GOLM2: variants seen among roughly 807,000 people sequenced by gnomAD.
GOLM2 encodes the protein golgi membrane protein 2, also known as protein GOLM2.
Under a neutral mutation model 55.9 loss-of-function variants are expected in GOLM2, and 26 were observed. The ratio of observed to expected loss-of-function variants is 0.47; its 90% CI spans 0.34 to 0.65. The LOEUF is 0.65. Among genes scored for constraint, GOLM2 ranks in the 30% least tolerant of loss-of-function variants. The pLI, the probability that GOLM2 is intolerant of heterozygous loss-of-function variation, is 0.01. For missense variants in GOLM2, 486 were observed against 531.8 expected (o/e 0.91, Z 0.85); for synonymous variants, 165 against 194.6 (o/e 0.85, Z 1.27).
intron 3 of GOLM2, among the ~76,000 whole-genome samples, chr15:44,329,716 T>C (rs915516508): frequency 1.3e-5 from 2 of 151,734 alleles, no homozygotes; most frequent in African/African-American, 2.4e-5. Context: ...CTAGGCAACA[T>C]AGTGAGACCT....
At chr15:44,330,565 A>G (rs2079016594) in intron 3 of GOLM2, among the ~76,000 whole-genome samples, 1 of 151,808 alleles carries the variant, frequency 6.6e-6, no homozygotes, top group Non-Finnish European at 1.5e-5. Flanking sequence ...TGTCTATGCA[A>G]AAAAGATTTC....
At chr15:44,396,720 G>A (rs1407047546) in intron 8 of GOLM2, among the ~76,000 whole-genome samples, 1 of 152,064 alleles carries the variant, frequency 6.6e-6, no homozygotes, top group Non-Finnish European at 1.5e-5. Context: ...AGACCATGTG[G>A]TATATGAATT....
chr15:44,302,842 C>T (rs1330181007), intron 1 of GOLM2, among the ~76,000 whole-genome samples: 2 of 152,122 alleles, frequency 1.3e-5, no homozygotes, highest in Admixed American at 6.6e-5. Context: ...CAGTGGCTTA[C>T]ACCTGTAATC....
In GOLM2 at chr15:44,407,948, C is replaced by A. The variant is rs1053590533; in HGVS notation, c.1240+4894C>A. Among the ~76,000 whole-genome samples the A allele has an allele frequency of 3.3e-5, 5 of 151,824 alleles. No individual in the cohort carries two copies. The Middle Eastern group carries it at 0.014, about 416-fold the overall frequency. On this transcript the variant is annotated intron_variant, in intron 9 of 9. Coordinates refer to ENST00000299957, the MANE Select transcript of GOLM2 (RefSeq NM_138423.4). ...TGTATTTTTACAAGAGACAGGGTTT[C>A]ACCATGTTGGCCAGGCTGGTCTTGA...
At chr15:44,399,008 C>T (rs1595667413) in intron 8 of GOLM2, among the ~76,000 whole-genome samples, 1 of 152,206 alleles carries the variant, frequency 6.6e-6, no homozygotes, top group East Asian at 1.9e-4. Context: ...CTTACTCTAA[C>T]TTTCTCATAT....
intron 1 of GOLM2, among the ~76,000 whole-genome samples, chr15:44,297,441 T>G (rs1041808125): frequency 1.3e-5 from 2 of 152,214 alleles, no homozygotes; most frequent in African/African-American, 4.8e-5. Context: ...TTTTGCTTAC[T>G]TTTGCCTTCC....
At chr15:44,404,056 A>G (rs1567045035) in intron 9 of GOLM2, among the ~76,000 whole-genome samples, 1 of 152,120 alleles carries the variant, frequency 6.6e-6, no homozygotes, top group East Asian at 1.9e-4. Context: ...TTACTCTATT[A>G]CAAGTTTTTA....
chr15:44,347,316 T>C (rs745814072), intron 6 of GOLM2, among the ~76,000 whole-genome samples: 13 of 152,272 alleles, frequency 8.5e-5, no homozygotes, highest in Admixed American at 5.2e-4. Flanking sequence ...AAAAGGGGCA[T>C]GGAAGGAGTA....
At chr15:44,336,649 G>A (rs888046597) in intron 4 of GOLM2, among the ~76,000 whole-genome samples, 11 of 151,734 alleles carry the variant, frequency 7.2e-5, no homozygotes, top group African/African-American at 2.7e-4. Context: ...GGGTACGGTG[G>A]CTCACGCCTG....
At chr15:44,303,234 G>T (rs2078811945) in intron 1 of GOLM2, among the ~76,000 whole-genome samples, 1 of 152,066 alleles carries the variant, frequency 6.6e-6, no homozygotes, top group African/African-American at 2.4e-5. Flanking sequence ...TTAGCAATTT[G>T]TATTGCTTCT....
At position 44,290,793 on chromosome 15, in the gene GOLM2, CGTTGTTGTT is replaced by C. The variant is rs754237769; in HGVS notation, c.327+1450_327+1458del. Among the ~76,000 whole-genome samples the C allele has an allele frequency of 1.7e-3, 255 of 151,964 alleles. 1 individual carries two copies. The highest frequency in any genetic ancestry group is 5.9e-3 in the African/African-American group (246 of 41,464). On this transcript the variant is annotated intron_variant, in intron 1 of 9. Coordinates refer to ENST00000299957, the MANE Select transcript of GOLM2 (RefSeq NM_138423.4). ...CATCCATTGGACTTTTTGTTGTTGT[CGTTGTTGTT>C]GTTGTTGTTGTTTTTTGAGACGGAG...
chr15:44,328,882 T>G lies in GOLM2; in HGVS notation c.485+95T>G, dbSNP rs975931057. On this transcript the variant is annotated intron_variant, in intron 3 of 9. Coordinates refer to ENST00000299957, the MANE Select transcript of GOLM2 (RefSeq NM_138423.4). ...TCTTTCTCTCTGACTTTTGTTTCCC[T>G]TTTTTTCTCTTCTTTCATTTTGTTA... 5.6e-6 allele frequency: 4 copies of G among 720,382 alleles called. No homozygotes were observed. The East Asian group carries it at 9.2e-5, about 17-fold the overall frequency. The allele number at this position is 720,382 out of a possible 1,614,324, so 44.6% of individuals were successfully genotyped here. A position where few individuals can be genotyped will look rare whatever the true frequency, so the allele number is the denominator to read the frequency against.
intron 6 of GOLM2, chr15:44,345,823 A>G (rs2079120521): frequency 6.6e-6 from 1 of 150,660 alleles, no homozygotes; most frequent in South Asian, 2.1e-4. Flanking sequence ...GAAAAAAATT[A>G]CTCCCTTGGT....
chr15:44,407,974 A>C (rs2079609178), intron 9 of GOLM2, among the ~76,000 whole-genome samples: 1 of 146,956 alleles, frequency 6.8e-6, no homozygotes, highest in East Asian at 2.0e-4. Context: ...CTGGTCTTGA[A>C]CTCCTGACCT....
intron 4 of GOLM2, among the ~76,000 whole-genome samples, chr15:44,332,483 G>A (rs1223910071): frequency 1.3e-5 from 2 of 151,654 alleles, no homozygotes; most frequent in East Asian, 1.9e-4. Context: ...CTTGAGCCTG[G>A]GAGACGGAGG....
At chr15:44,319,346 G>A (rs2078933650) in intron 1 of GOLM2, among the ~76,000 whole-genome samples, 1 of 151,956 alleles carries the variant, frequency 6.6e-6, no homozygotes, top group Non-Finnish European at 1.5e-5. Flanking sequence ...CCAAGTAGCT[G>A]GGACTATAGG....
chr15:44,363,618 T>C (rs2079259895), intron 6 of GOLM2, among the ~76,000 whole-genome samples: 1 of 152,308 alleles, frequency 6.6e-6, no homozygotes, highest in East Asian at 1.9e-4. Flanking sequence ...AGTTCAACCA[T>C]TGTGGAAGCA....
At chr15:44,405,817 T>C (rs1034800350) in intron 9 of GOLM2, among the ~76,000 whole-genome samples, 1 of 152,046 alleles carries the variant, frequency 6.6e-6, no homozygotes, top group Non-Finnish European at 1.5e-5. Flanking sequence ...GATGGGGGTT[T>C]CACCATGTTG....
intron 1 of GOLM2, among the ~76,000 whole-genome samples, chr15:44,315,192 GA>G (rs1207504855): frequency 1.1e-4 from 17 of 152,302 alleles, no homozygotes; most frequent in African/African-American, 4.1e-4. Flanking sequence ...TTATGTTACA[GA>G]AGATAGACTT....
Sources: gnomAD v4.1 joint callset for allele counts (sites outside exome capture counted in the v4.1 genomes callset) on GRCh38, gnomAD v4.1.1 for gene constraint, MANE v1.5 for transcripts, NCBI Gene and HGNC (gene_info 2026-07-23, HGNC 2026-07-21) for gene names.